MAGI2: variants seen among roughly 807,000 people sequenced by gnomAD.
MAGI2 encodes the protein membrane-associated guanylate kinase, WW and PDZ domain-containing protein 2.
In MAGI2, 35 loss-of-function variants were observed where a neutral mutation model predicts 133.3. That is an observed-to-expected ratio of 0.26 (90% CI 0.20 to 0.35). The LOEUF (loss-of-function observed/expected upper bound fraction) is 0.35. Ranked by LOEUF, MAGI2 falls within the 10% of genes least tolerant of loss-of-function variation. The pLI is 1.00. For missense variants in MAGI2, 1,636 were observed against 1,863.4 expected (o/e 0.88, Z 2.25); for synonymous variants, 729 against 710.6 (o/e 1.03, Z -0.41).
chr7:79,324,270 C>A (rs1026870755), intron 1 of MAGI2, among the ~76,000 whole-genome samples: 10 of 151,290 alleles, frequency 6.6e-5, no homozygotes, highest in Non-Finnish European at 1.5e-4. Flanking sequence ...CTGAAGCTAG[C>A]ACTATGTAAG....
chr7:78,866,638 C>T (rs1208989212), intron 2 of MAGI2, among the ~76,000 whole-genome samples: 1 of 151,912 alleles, frequency 6.6e-6, no homozygotes, highest in African/African-American at 2.4e-5. Flanking sequence ...TTTAAAATGC[C>T]AGACATTTGA....
intron 2 of MAGI2, among the ~76,000 whole-genome samples, chr7:78,736,426 G>T (rs571953869): frequency 6.6e-6 from 1 of 152,220 alleles, no homozygotes; most frequent in South Asian, 2.1e-4. Flanking sequence ...ACATTTTTAA[G>T]AACCATACTT....
At chr7:79,018,558 G>A (rs184887653) in intron 1 of MAGI2, among the ~76,000 whole-genome samples, 17 of 152,240 alleles carry the variant, frequency 1.1e-4, no homozygotes, top group South Asian at 8.3e-4. Context: ...CACTAACCTT[G>A]AATGTGAATA....
chr7:78,354,207 G>A (rs1038547059), intron 7 of MAGI2, among the ~76,000 whole-genome samples: 1 of 152,188 alleles, frequency 6.6e-6, no homozygotes, highest in Non-Finnish European at 1.5e-5. Flanking sequence ...TGTGTACAAG[G>A]AAGGGTGAGA....
chr7:78,384,345 T>C (rs1585076663), intron 6 of MAGI2, among the ~76,000 whole-genome samples: 1 of 152,268 alleles, frequency 6.6e-6, no homozygotes, highest in East Asian at 1.9e-4. Flanking sequence ...ATGGATCAGA[T>C]AGTTTCAGGC....
At chr7:78,332,707 A>G (rs1789355777) in intron 9 of MAGI2, among the ~76,000 whole-genome samples, 1 of 135,416 alleles carries the variant, frequency 7.4e-6, no homozygotes, top group South Asian at 2.3e-4. Context: ...CAAAAAAAAA[A>G]AAAAAAAAAA....
At chr7:79,326,380 C>G (rs1292518388) in intron 1 of MAGI2, among the ~76,000 whole-genome samples, 1 of 152,154 alleles carries the variant, frequency 6.6e-6, no homozygotes, top group Non-Finnish European at 1.5e-5. Flanking sequence ...TAACTTAGCT[C>G]AGGTTACACT....
rs1186410112 is a variant in MAGI2, at chr7:79,231,740, C to G, written c.301+221280G>C. ...GATATACAATCATGTCGTCGGCAAA[C>G]AGGGACAATTTGACTTCCTCTTTTC... On this transcript the variant is annotated intron_variant, in intron 1 of 21. Coordinates refer to ENST00000354212, the MANE Select transcript of MAGI2 (RefSeq NM_012301.4). 2.1e-5 allele frequency among the ~76,000 whole-genome samples: 3 copies of G among 142,064 alleles called. No individual in the cohort carries two copies. The East Asian group carries it at 6.2e-4, about 29-fold the overall frequency. 93.2% of individuals were successfully genotyped at this position (142,064 alleles called of 152,430 possible). A position where few individuals can be genotyped will look rare whatever the true frequency, so the allele number is the denominator to read the frequency against.
chr7:78,044,644 T>C (rs1352641264), intron 21 of MAGI2, among the ~76,000 whole-genome samples: 1 of 151,644 alleles, frequency 6.6e-6, no homozygotes, highest in Non-Finnish European at 1.5e-5. Flanking sequence ...ATCAACAAGA[T>C]AGACAAAGTC....
chr7:78,465,234 T>C (rs1790497307), intron 6 of MAGI2, among the ~76,000 whole-genome samples: 1 of 152,182 alleles, frequency 6.6e-6, no homozygotes. Flanking sequence ...TATGAGCAGG[T>C]GTCTGTAGGT....
At chr7:78,544,160 G>T (rs1367367235) in intron 3 of MAGI2, among the ~76,000 whole-genome samples, 2 of 152,180 alleles carry the variant, frequency 1.3e-5, no homozygotes, top group Non-Finnish European at 2.9e-5. Context: ...AAAGGTCATT[G>T]GCTCCAATTT....
intron 6 of MAGI2, among the ~76,000 whole-genome samples, chr7:78,467,377 TG>T (rs1478378534): frequency 1.3e-5 from 2 of 152,084 alleles, no homozygotes; most frequent in African/African-American, 4.8e-5. Context: ...GATACTTCAC[TG>T]ATCAGAACTA....
At chr7:79,211,846 G>A (rs965212259) in intron 1 of MAGI2, among the ~76,000 whole-genome samples, 19 of 151,988 alleles carry the variant, frequency 1.3e-4, no homozygotes, top group Non-Finnish European at 2.4e-4. Context: ...AAGTAATATG[G>A]TGTAATAGAG....
chr7:78,505,545 C>T (rs1471857521), intron 4 of MAGI2, among the ~76,000 whole-genome samples: 1 of 152,104 alleles, frequency 6.6e-6, no homozygotes, highest in Non-Finnish European at 1.5e-5. Context: ...TACAAAATGT[C>T]ACGTTGCACT....
chr7:78,125,788 C>G lies in MAGI2; in HGVS notation c.3473G>C (p.Gly1158Ala), dbSNP rs764981853. Residue 1158 changes from glycine to alanine, a missense_variant, in exon 20 of 22, where the codon GGA becomes GCA. Gly to Ala is a moderately conservative substitution (Grantham distance 60). Coordinates refer to ENST00000354212, the MANE Select transcript of MAGI2 (RefSeq NM_012301.4). ...VDMEKGAKGF[G>A]FSIRGGREYK... The stretch of plus-strand genomic sequence containing the variant: ...TTCCCTTCCTCCACGAATGCTGAAT[C>G]CAAATCCTTTGGCTCCTTTCTCCAT... 1 of 1,614,060 alleles carries G rather than the reference C, an allele frequency of 6.2e-7. No homozygotes were observed. Among genetic ancestry groups the G allele is most frequent in the Non-Finnish European group, 8.5e-7 (1 of 1,180,018 alleles).
At chr7:78,723,202 G>A (rs1056110055) in intron 2 of MAGI2, among the ~76,000 whole-genome samples, 1 of 152,132 alleles carries the variant, frequency 6.6e-6, no homozygotes, top group Admixed American at 6.6e-5. Context: ...AAAGAAAAAT[G>A]TAAACTGTTA....
intron 9 of MAGI2, among the ~76,000 whole-genome samples, chr7:78,310,666 A>G (rs1798626926): frequency 6.6e-6 from 1 of 152,170 alleles, no homozygotes; most frequent in Admixed American, 6.6e-5. Context: ...AAGGTGGGAA[A>G]TTGAAAAGTT....
chr7:79,039,809 A>T (rs1348417761), intron 1 of MAGI2, among the ~76,000 whole-genome samples: 1 of 147,444 alleles, frequency 6.8e-6, no homozygotes, highest in Non-Finnish European at 1.5e-5. Flanking sequence ...ATATGTATAC[A>T]CATATATACA....
intron 13 of MAGI2, among the ~76,000 whole-genome samples, chr7:78,178,488 A>C (rs1826876105): frequency 1.3e-5 from 2 of 152,182 alleles, no homozygotes; most frequent in South Asian, 4.1e-4. Flanking sequence ...CGCAAGTAAG[A>C]GAGAACAGAT....
Sources: gnomAD v4.1 joint callset for allele counts (sites outside exome capture counted in the v4.1 genomes callset) on GRCh38, gnomAD v4.1.1 for gene constraint, MANE v1.5 for transcripts, NCBI Gene and HGNC (gene_info 2026-07-23, HGNC 2026-07-21) for gene names.